GBE1: variants seen among roughly 807,000 people sequenced by gnomAD.
GBE1 encodes 1,4-alpha-glucan-branching enzyme.
Under a neutral mutation model 88.8 loss-of-function variants are expected in GBE1, and 70 were observed. The ratio of observed to expected loss-of-function variants is 0.79; its 90% CI spans 0.65 to 0.96. The LOEUF (loss-of-function observed/expected upper bound fraction) is 0.96. GBE1 is among the 40% of genes least tolerant of loss of function. The pLI is 0.00. For synonymous variants in GBE1, 284 were observed against 300.1 expected (o/e 0.95, Z 0.56); for missense variants, 872 against 871.0 (o/e 1.00, Z -0.01).
chr3:81,690,487 A>G (rs759665806), intron 2 of GBE1, among the ~76,000 whole-genome samples: 15 of 152,216 alleles, frequency 9.9e-5, no homozygotes, highest in Admixed American at 8.5e-4. Context: ...GCATTAAATA[A>G]ACAGTTACCA....
chr3:81,649,786 T>C lies in GBE1; in HGVS notation c.555+10A>G. The C allele has an allele frequency of 6.3e-7, 1 of 1,577,948 alleles. No individual in the cohort carries two copies. Among genetic ancestry groups the C allele is most frequent in the East Asian group, 2.3e-5 (1 of 44,372 alleles). On this transcript the variant is annotated intron_variant, in intron 4 of 15. Transcript: ENST00000429644. ...GAACAATAATTTATTTAAAGATTTG[T>C]TGTTCTCACCTCATATGAGTGTTCT...
At chr3:81,580,590 C>A (rs1442303978) in intron 11 of GBE1, among the ~76,000 whole-genome samples, 1 of 152,058 alleles carries the variant, frequency 6.6e-6, no homozygotes, top group African/African-American at 2.4e-5. Flanking sequence ...CGGCTTGAGC[C>A]AAAATAGGAG....
chr3:81,535,642 T>C (rs1703065499), intron 13 of GBE1, among the ~76,000 whole-genome samples: 2 of 152,048 alleles, frequency 1.3e-5, no homozygotes, highest in African/African-American at 4.8e-5. Context: ...CGTTTGTATA[T>C]ATTAGATCTA....
chr3:81,649,859 C>T lies in GBE1; in HGVS notation c.492G>A (p.Val164=), dbSNP rs1375785515. 8.7e-6 allele frequency: 14 copies of T among 1,611,398 alleles called. 1 individual carries two copies. The Admixed American group carries it at 2.3e-4, about 27-fold the overall frequency. Reference sequence around the variant, plus strand: ...AATTCACATTATCACCTTCACGAACCACATACTTTGCCCACGGTGAAATAC... The same window carrying T: ...AATTCACATTATCACCTTCACGAACTACATACTTTGCCCACGGTGAAATAC... The part of the protein sequence containing the change: ...LYRISPWAKY[V]VREGDNVNYD... The change falls in exon 4 of 16, where the codon GTG becomes GTA. Residue 164 remains valine, a synonymous_variant. Transcript: ENST00000429644.
chr3:81,675,872 T>C lies in GBE1; in HGVS notation c.314-4919A>G, dbSNP rs374608569. Among the ~76,000 whole-genome samples, 10 of 152,228 alleles carry C rather than the reference T, an allele frequency of 6.6e-5. No individual in the cohort carries two copies. The East Asian group carries it at 1.5e-3, about 23-fold the overall frequency. On this transcript the variant is annotated intron_variant, in intron 2 of 15. Transcript: ENST00000429644. ...AAGTAAAGAAAACCTGATACAGTTC[T>C]CTGTTTTAATGATAAAATGTTAAAA...
At chr3:81,659,502 ATTTTTTTT>A (rs35138103) in intron 3 of GBE1, among the ~76,000 whole-genome samples, 1 of 127,052 alleles carries the variant, frequency 7.9e-6, no homozygotes, top group East Asian at 2.3e-4. Flanking sequence ...CGCCCGGCTA[ATTTTTTTT>A]TTTTTTTTTT....
At position 81,670,835 on chromosome 3, in the gene GBE1, T is replaced by A; in HGVS notation, c.429+3A>T. 6 of 1,468,006 alleles carry A rather than the reference T, an allele frequency of 4.1e-6. No individual in the cohort carries two copies. The highest frequency in any genetic ancestry group is 1.7e-4 in the Middle Eastern group (1 of 5,826). The allele number at this position is 1,468,006 out of a possible 1,614,324, so 90.9% of individuals were successfully genotyped here. ...CAAGAAAAAATAGGAGGGAGGAAAGTACCTTTAATTTGGATCCATGAGGCA... is the reference window on the plus strand; with the variant it reads ...CAAGAAAAAATAGGAGGGAGGAAAGAACCTTTAATTTGGATCCATGAGGCA... On this transcript the variant is annotated splice_donor_region_variant and intron_variant, in intron 3 of 15. Coordinates refer to ENST00000429644, the MANE Select transcript of GBE1 (RefSeq NM_000158.4).
chr3:81,696,144 A>G (rs540362698), intron 2 of GBE1, among the ~76,000 whole-genome samples: 5 of 152,244 alleles, frequency 3.3e-5, no homozygotes, highest in Non-Finnish European at 5.9e-5. Flanking sequence ...GTAATAGGGA[A>G]AAGAGGAAAA....
intron 12 of GBE1, among the ~76,000 whole-genome samples, chr3:81,560,511 C>T (rs910200685): frequency 2.0e-5 from 3 of 151,804 alleles, no homozygotes; most frequent in South Asian, 2.1e-4. Context: ...ATCTATGACC[C>T]ACATAAAATA....
In GBE1 at chr3:81,702,879, G is replaced by A. The variant is rs138704808; in HGVS notation, c.313+2565C>T. 3.2e-3 allele frequency among the ~76,000 whole-genome samples: 490 copies of A among 151,912 alleles called. 3 individuals carry two copies. The highest frequency in any genetic ancestry group is 0.027 in the Middle Eastern group (8 of 294). ...ATGCAATTCTACAAACACACACAGCGCAACTTTTAATAAATGAGCAATAGT... is the reference window on the plus strand; with the variant it reads ...ATGCAATTCTACAAACACACACAGCACAACTTTTAATAAATGAGCAATAGT... On this transcript the variant is annotated intron_variant, in intron 2 of 15. Coordinates refer to ENST00000429644, the MANE Select transcript of GBE1 (RefSeq NM_000158.4).
intron 12 of GBE1, among the ~76,000 whole-genome samples, chr3:81,559,310 C>A (rs1382162639): frequency 6.6e-6 from 1 of 151,940 alleles, no homozygotes; most frequent in Non-Finnish European, 1.5e-5. Context: ...CATTAAGGTA[C>A]TATTTTGAGG....
chr3:81,603,537 C>T (rs1704060481), intron 7 of GBE1, among the ~76,000 whole-genome samples: 1 of 152,124 alleles, frequency 6.6e-6, no homozygotes, highest in African/African-American at 2.4e-5. Flanking sequence ...CTCTCTCTGT[C>T]ACCCAGGCTG....
In GBE1 at chr3:81,493,247, A is replaced by G. The variant is rs140679064; in HGVS notation, c.2053-2784T>C. 5.1e-3 allele frequency among the ~76,000 whole-genome samples: 781 copies of G among 152,308 alleles called. 6 individuals are homozygous for G. Among genetic ancestry groups the G allele is most frequent in the Middle Eastern group, 0.014 (4 of 294 alleles). On this transcript the variant is annotated intron_variant, in intron 15 of 15. Coordinates refer to ENST00000429644, the MANE Select transcript of GBE1 (RefSeq NM_000158.4). ...CATTTCTCTTATAGAGTATTGTCCT[A>G]CAATGCAGGTAAAAAGACCCTGATA... is the stretch of plus-strand genomic sequence containing the variant.
At chr3:81,597,938 G>A (rs879767376) in intron 7 of GBE1, among the ~76,000 whole-genome samples, 7 of 151,760 alleles carry the variant, frequency 4.6e-5, no homozygotes, top group Non-Finnish European at 1.0e-4. Context: ...AAGGTTTTTA[G>A]GAAATATCCC....
intron 2 of GBE1, among the ~76,000 whole-genome samples, chr3:81,687,117 C>T (rs537174693): frequency 6.6e-6 from 1 of 152,232 alleles, no homozygotes; most frequent in African/African-American, 2.4e-5. Flanking sequence ...TTTATAAGCT[C>T]CCTACATGTT....
At chr3:81,616,362 C>A (rs1704248521) in intron 7 of GBE1, among the ~76,000 whole-genome samples, 1 of 152,098 alleles carries the variant, frequency 6.6e-6, no homozygotes, top group South Asian at 2.1e-4. Context: ...AATCTATAAT[C>A]TATTTTAGTA....
Position 81,577,939 on chromosome 3 carries a change from T to C in GBE1, c.1604A>G (p.Tyr535Cys), listed in dbSNP as rs886058900. Residue 535 changes from tyrosine to cysteine, a missense_variant, in exon 12 of 16, where the codon TAT (tyrosine) becomes TGT (cysteine). Transcript: ENST00000429644. The part of the protein sequence containing the change: ...LITHGLGGEG[Y>C]LNFMGNEFGH... ...CTCACACTTACCCATGAAATTGAGA[T>C]AGCCTTCTCCACCAAGCCCATGCGT... 5.0e-6 allele frequency: 8 copies of C among 1,595,076 alleles called. No homozygotes were observed. Among genetic ancestry groups the C allele is most frequent in the Non-Finnish European group, 6.0e-6 (7 of 1,173,668 alleles).
At chr3:81,597,462 AATATATATATATATCTCAAAATATATAT>A (rs1220906634) in intron 7 of GBE1, among the ~76,000 whole-genome samples, 3 of 139,192 alleles carry the variant, frequency 2.2e-5, no homozygotes, top group Admixed American at 1.5e-4. Context: ...ATATATCTCA[AATATATATATATATCTCAAAATATATAT>A]ATATATATAT....
intron 7 of GBE1, among the ~76,000 whole-genome samples, chr3:81,604,008 C>T (rs866429586): frequency 1.3e-5 from 2 of 151,950 alleles, no homozygotes; most frequent in African/African-American, 4.8e-5. Flanking sequence ...CAACCAGCAC[C>T]GAATCCCACA....
Sources: allele counts gnomAD v4.1 joint callset (sites outside exome capture counted in the v4.1 genomes callset), GRCh38; gene constraint gnomAD v4.1.1; transcripts MANE v1.5; gene names NCBI Gene and HGNC (gene_info 2026-07-23, HGNC 2026-07-21).